The following KIF1B variants were observed in gnomAD, a reference collection of about 807,000 sequenced individuals.
KIF1B encodes kinesin-like protein KIF1B.
A neutral mutation model predicts 241.9 loss-of-function variants in KIF1B; 76 were observed. The ratio of observed to expected loss-of-function variants is 0.31; its 90% CI spans 0.26 to 0.38. The LOEUF (loss-of-function observed/expected upper bound fraction) is 0.38. Ranked by LOEUF, KIF1B falls within the 10% of genes least tolerant of loss-of-function variation. The pLI is 1.00. For synonymous variants in KIF1B, 750 were observed against 796.7 expected, an observed-to-expected ratio of 0.94 and a Z score of 0.99; for missense variants, 1,622 against 2,271.4, an observed-to-expected ratio of 0.71 and a Z score of 5.81.
At chr1:10,309,406 CTG>C (rs1312262871) in intron 22 of KIF1B, among the ~76,000 whole-genome samples, 1 of 151,888 alleles carries the variant, frequency 6.6e-6, no homozygotes, top group Admixed American at 6.5e-5. Context: ...TGTAGTGACA[CTG>C]TGCTGATGAG....
At chr1:10,353,294 G>T (rs1652864020) in intron 38 of KIF1B, among the ~76,000 whole-genome samples, 1 of 152,168 alleles carries the variant, frequency 6.6e-6, no homozygotes, top group African/African-American at 2.4e-5. Flanking sequence ...AAGATTGGCT[G>T]CCATAAATAA....
rs1447783044 is a variant in KIF1B, at chr1:10,307,739, A to G, written c.2115+10493A>G. ...TATTATTATAGCAAAGTGGGAAAAA[A>G]GTGTTTATTCTATTGAAGTTATGTA... On this transcript the variant is annotated intron_variant, in intron 22 of 48. Transcript: ENST00000676179. 2.9e-6 allele frequency: 3 copies of G among 1,032,666 alleles called. No individual in the cohort carries two copies. The African/African-American group carries it at 5.0e-5, about 17-fold the overall frequency. 64.0% of individuals were successfully genotyped at this position (1,032,666 alleles called of 1,614,324 possible). A position where few individuals can be genotyped will look rare whatever the true frequency, so the allele number is the denominator to read the frequency against.
intron 2 of KIF1B, among the ~76,000 whole-genome samples, chr1:10,244,209 T>C (rs1172999737): frequency 6.6e-6 from 1 of 152,176 alleles, no homozygotes; most frequent in Non-Finnish European, 1.5e-5. Flanking sequence ...GTTTCTATAT[T>C]GTGAGGAGGG....
At chr1:10,253,766 G>A (rs1265561312) in intron 2 of KIF1B, among the ~76,000 whole-genome samples, 1 of 152,126 alleles carries the variant, frequency 6.6e-6, no homozygotes, top group Non-Finnish European at 1.5e-5. Context: ...TTCTTTGCTT[G>A]GATTACCATT....
Position 10,296,603 on chromosome 1 carries a change from G to A in KIF1B, c.1799G>A (p.Cys600Tyr). The A allele has an allele frequency of 6.2e-7, 1 of 1,613,804 alleles. No individual in the cohort carries two copies. The highest frequency in any genetic ancestry group is 8.5e-7 in the Non-Finnish European group (1 of 1,179,810). Residue 600 changes from cysteine (C) to tyrosine (Y), a missense_variant, in exon 20 of 49, where the codon TGT becomes TAT. Around this residue, in one of 7 missense-constraint regions of KIF1B, gnomAD observed 44 missense variants for 28.6 expected, o/e 1.54. Transcript: ENST00000676179. ...SGEVIVTLEP[C>Y]ERSETYVNGK... ...TTAGTTATCGTGACCTTAGAGCCCT[G>A]TGAGCGCTCAGAAACCTACGTAAAT... is the stretch of plus-strand genomic sequence containing the variant.
intron 5 of KIF1B, among the ~76,000 whole-genome samples, chr1:10,264,505 T>C (rs1400119824): frequency 2.0e-5 from 3 of 152,274 alleles, no homozygotes; most frequent in African/African-American, 7.2e-5. Context: ...TTCCAAAAGA[T>C]GTAATATATT....
intron 1 of KIF1B, among the ~76,000 whole-genome samples, chr1:10,223,986 CAGAAATAGG>C (rs1056701400): frequency 2.6e-5 from 4 of 152,040 alleles, no homozygotes; most frequent in Non-Finnish European, 5.9e-5. Flanking sequence ...TGTTTTTTTG[CAGAAATAGG>C]GTTTCACATG....
intron 22 of KIF1B, among the ~76,000 whole-genome samples, chr1:10,311,570 A>G (rs766114919): frequency 6.6e-6 from 1 of 150,458 alleles, no homozygotes; most frequent in African/African-American, 2.5e-5. Flanking sequence ...ATCTAGTCAG[A>G]CTCTTGTTCT....
chr1:10,215,138 T>TTTTATATA (rs1250198024), intron 1 of KIF1B, among the ~76,000 whole-genome samples: 1 of 59,562 alleles, frequency 1.7e-5, no homozygotes, highest in African/African-American at 8.0e-5. Flanking sequence ...TTTATATATT[T>TTTTATATA]TATATATATA....
intron 10 of KIF1B, among the ~76,000 whole-genome samples, chr1:10,273,739 A>AAAAAAAAAAAAAAAC (rs1557680883): frequency 3.0e-5 from 2 of 67,614 alleles, no homozygotes; most frequent in African/African-American, 7.9e-5. Flanking sequence ...AAAAAAAAAA[A>AAAAAAAAAAAAAAAC]CCCAACAAAC....
At chr1:10,231,006 T>G (rs1202559064) in intron 1 of KIF1B, 1 of 151,854 alleles carries the variant, frequency 6.6e-6, no homozygotes, top group Non-Finnish European at 1.5e-5. Flanking sequence ...AGGTGAGGAG[T>G]TCGAGACCAG....
chr1:10,228,466 T>C (rs1646938942), intron 1 of KIF1B, among the ~76,000 whole-genome samples: 1 of 152,222 alleles, frequency 6.6e-6, no homozygotes, highest in Non-Finnish European at 1.5e-5. Context: ...TTCTTGCTAT[T>C]GGAAGTGACG....
At chr1:10,263,836 G>T (rs1476685521) in intron 5 of KIF1B, among the ~76,000 whole-genome samples, 1 of 152,058 alleles carries the variant, frequency 6.6e-6, no homozygotes, top group Non-Finnish European at 1.5e-5. Flanking sequence ...GTGGTTTCTT[G>T]CCACATTTGC....
At chr1:10,218,359 T>C (rs992610236) in intron 1 of KIF1B, among the ~76,000 whole-genome samples, 1 of 152,158 alleles carries the variant, frequency 6.6e-6, no homozygotes, top group African/African-American at 2.4e-5. Context: ...TTCAGTCTTC[T>C]GAAACTGCTG....
chr1:10,352,793 C>A, intron 38 of KIF1B, 57 bp downstream of exon 38: 1 of 1,184,726 alleles, frequency 8.4e-7, no homozygotes, highest in Non-Finnish European at 1.3e-6. Context: ...AATTGGTACA[C>A]CGTTAGGTGC....
rs1648800243 is a variant in KIF1B at position 10,271,564 on chromosome 1, A to G, written c.783A>G (p.Lys261=). The part of the protein sequence containing the change: ...GSERADSTGA[K]GTRLKEGANI... ...AACGAGCTGATTCAACTGGTGCCAA[A>G]GGGACTCGATTAAAGGTATTTATTT... The change falls in exon 8 of 49, where the codon AAA becomes AAG. Residue 261 remains lysine (K), a synonymous_variant. Coordinates refer to ENST00000676179, the MANE Select transcript of KIF1B (RefSeq NM_001365951.3). 1.3e-5 allele frequency: 21 copies of G among 1,613,136 alleles called. No homozygotes were observed. The highest frequency in any genetic ancestry group is 1.8e-5 in the Non-Finnish European group (21 of 1,179,106).
intron 1 of KIF1B, among the ~76,000 whole-genome samples, chr1:10,214,730 A>C (rs1005697454): frequency 4.1e-5 from 6 of 147,580 alleles, no homozygotes; most frequent in Non-Finnish European, 7.5e-5. Context: ...CTACAGGTGC[A>C]CACCACCATG....
intron 44 of KIF1B, among the ~76,000 whole-genome samples, chr1:10,370,563 C>G (rs1457193547): frequency 7.2e-6 from 1 of 137,940 alleles, no homozygotes; most frequent in African/African-American, 2.8e-5. Context: ...GACCTTATCT[C>G]GAAAAAGAAA....
At chr1:10,263,631 A>G (rs1333648967) in intron 5 of KIF1B, among the ~76,000 whole-genome samples, 1 of 152,248 alleles carries the variant, frequency 6.6e-6, no homozygotes, top group East Asian at 1.9e-4. Flanking sequence ...GTCATACACC[A>G]AAAAGAGAAT....
Sources: allele counts gnomAD v4.1 joint callset (sites outside exome capture counted in the v4.1 genomes callset), GRCh38; gene constraint gnomAD v4.1.1; regional missense constraint gnomAD v4.1.1; transcripts MANE v1.5; gene names NCBI Gene and HGNC (gene_info 2026-07-23, HGNC 2026-07-21).